The following RPS6KA1 variants were observed in gnomAD, a reference collection of about 807,000 sequenced individuals.
RPS6KA1 encodes ribosomal protein S6 kinase A1, also known as ribosomal protein S6 kinase alpha-1.
RPS6KA1 carries 48 observed loss-of-function variants against 91.3 expected under a neutral mutation model. The ratio of observed to expected loss-of-function variants is 0.53; its 90% CI spans 0.42 to 0.67. The LOEUF is 0.67. Ranked by LOEUF, RPS6KA1 falls within the 30% of genes least tolerant of loss-of-function variation. The pLI is 0.00. For missense variants in RPS6KA1, 719 were observed against 960.5 expected (o/e 0.75, Z 3.32); for synonymous variants, 359 against 384.7 (o/e 0.93, Z 0.78).
chr1:26,571,741 G>C lies in RPS6KA1; in HGVS notation c.1753-108G>C, dbSNP rs2076250860. On this transcript the variant is annotated intron_variant, in intron 18 of 21. Coordinates refer to ENST00000374168, the MANE Select transcript of RPS6KA1 (RefSeq NM_002953.4). The surrounding 1 kb of genome is among the most constrained non-coding windows in gnomAD (Gnocchi z 5.1). ...GGCCCAGCTGGCAAGGGAAGATCTAGCCTGTGCCTGGGACCCTTGTCCTGC... is the reference window on the plus strand; with the variant it reads ...GGCCCAGCTGGCAAGGGAAGATCTACCCTGTGCCTGGGACCCTTGTCCTGC... 1 of 1,481,186 alleles carries C rather than the reference G, an allele frequency of 6.8e-7. No individual in the cohort carries two copies. 91.8% of individuals were successfully genotyped at this position (1,481,186 alleles called of 1,614,324 possible). A position where few individuals can be genotyped will look rare whatever the true frequency, so the allele number is the denominator to read the frequency against.
At chr1:26,536,832 G>A (rs1310841849) in intron 1 of RPS6KA1, 93 bp from the exon 2 acceptor site, 4 of 1,428,206 alleles carry the variant, frequency 2.8e-6, no homozygotes, top group South Asian at 2.3e-5. Flanking sequence ...CATGGCTATT[G>A]GGAGCACCTA....
Position 26,571,429 on chromosome 1 carries a change from C to A in RPS6KA1, c.1591-20C>A. ...GCCACCTCCCCACACTGAGAACTGA[C>A]CCCAGCCCCCTGCCCCTAGGTTGTG... is the stretch of plus-strand genomic sequence containing the variant. On this transcript the variant is annotated intron_variant, in intron 17 of 21. Coordinates refer to ENST00000374168, the MANE Select transcript of RPS6KA1 (RefSeq NM_002953.4). The surrounding 1 kb of genome is among the most constrained non-coding windows in gnomAD (Gnocchi z 5.1). The A allele has an allele frequency of 6.2e-7, 1 of 1,613,554 alleles. No homozygotes were observed. Among genetic ancestry groups the A allele is most frequent in the Non-Finnish European group, 8.5e-7 (1 of 1,179,624 alleles).
In RPS6KA1 at chr1:26,561,583, C is replaced by G. The variant is rs769977293; in HGVS notation, c.1510C>G (p.Gln504Glu). The G allele has an allele frequency of 6.2e-7, 1 of 1,614,106 alleles. No individual in the cohort carries two copies. The highest frequency in any genetic ancestry group is 1.1e-5 in the South Asian group (1 of 91,082). The part of the protein sequence containing the change: ...GGELLDKILR[Q>E]KFFSEREASF... The stretch of plus-strand genomic sequence containing the variant: ...GGAGCTGCTGGACAAGATCCTGCGG[C>G]AGAAGTTCTTCTCAGAGCGGGAGGC... Residue 504 changes from glutamine (Q) to glutamate (E), a missense_variant, in exon 17 of 22, where the codon CAG (glutamine) becomes GAG (glutamate). Gln to Glu is a conservative substitution (Grantham distance 29). Transcript: ENST00000374168. This position sits in a 1 kb window ranked among gnomAD's most constrained non-coding sequence, Gnocchi z 5.7.
chr1:26,563,173 G>T (rs572580528), intron 17 of RPS6KA1, among the ~76,000 whole-genome samples: 2 of 151,462 alleles, frequency 1.3e-5, no homozygotes. Context: ...TTTTTGACTG[G>T]TTTATTGAAA....
intron 2 of RPS6KA1, among the ~76,000 whole-genome samples, chr1:26,545,525 C>T (rs1220280135): frequency 5.3e-5 from 8 of 152,130 alleles, no homozygotes; most frequent in Admixed American, 1.3e-4. Flanking sequence ...TGTCTCTCTT[C>T]GTCTGCCTCC....
At position 26,547,310 on chromosome 1, in the gene RPS6KA1, C is replaced by G. The variant is rs1460592427; in HGVS notation, c.307+40C>G. 1 of 1,571,070 alleles carries G rather than the reference C, an allele frequency of 6.4e-7. No homozygotes were observed. Among genetic ancestry groups the G allele is most frequent in the Admixed American group, 1.7e-5 (1 of 58,074 alleles). On this transcript the variant is annotated intron_variant, in intron 4 of 21. Coordinates refer to ENST00000374168, the MANE Select transcript of RPS6KA1 (RefSeq NM_002953.4). This position sits in a 1 kb window ranked among gnomAD's most constrained non-coding sequence, Gnocchi z 4.1. ...CTCCCTGTGCAGAACCCAGGCTTGG[C>G]TGAGGGAGGCAGCCCAGACTTCAAG...
intron 6 of RPS6KA1, among the ~76,000 whole-genome samples, chr1:26,553,093 A>G (rs1163953143): frequency 6.6e-6 from 1 of 152,178 alleles, no homozygotes; most frequent in African/African-American, 2.4e-5. Flanking sequence ...TCCTTGTTCC[A>G]GTTCATGGCT....
intron 17 of RPS6KA1, among the ~76,000 whole-genome samples, chr1:26,565,475 C>T (rs1159605320): frequency 6.6e-6 from 1 of 152,152 alleles, no homozygotes; most frequent in Admixed American, 6.5e-5. Flanking sequence ...CTGGAGCCCC[C>T]GCAACCTGAG....
rs1279250061 is a variant in RPS6KA1 at position 26,551,446 on chromosome 1, A to G, written c.357A>G (p.Val119=). The change falls in exon 5 of 22, where the codon GTA becomes GTG. Residue 119 remains valine, a synonymous_variant. Coordinates refer to ENST00000374168, the MANE Select transcript of RPS6KA1 (RefSeq NM_002953.4). The surrounding 1 kb of genome is among the most constrained non-coding windows in gnomAD (Gnocchi z 4.5). ...TKMERDILAD[V]NHPFVVKLHY... ...TGGAGAGAGACATCCTGGCTGATGTAAATCACCCATTCGTGGTGAAGCTGC... is the reference window on the plus strand; with the variant it reads ...TGGAGAGAGACATCCTGGCTGATGTGAATCACCCATTCGTGGTGAAGCTGC... 6.2e-7 allele frequency: 1 copy of G among 1,614,168 alleles called. No individual in the cohort carries two copies. The highest frequency in any genetic ancestry group is 2.2e-5 in the East Asian group (1 of 44,880).
At chr1:26,573,406 A>G in intron 21 of RPS6KA1, 45 bp downstream of exon 21, 1 of 1,611,692 alleles carries the variant, frequency 6.2e-7, no homozygotes, top group Non-Finnish European at 8.5e-7. Flanking sequence ...GGTCAGCCCA[A>G]GGTGGCATGG....
chr1:26,552,185 C>G (rs890183690), intron 6 of RPS6KA1, among the ~76,000 whole-genome samples: 69 of 152,156 alleles, frequency 4.5e-4, no homozygotes, highest in Non-Finnish European at 7.4e-5. Context: ...GTCAGGAGAT[C>G]AAGACCATCC....
Position 26,554,489 on chromosome 1 carries a change from T to C in RPS6KA1, c.614-107T>C, listed in dbSNP as rs1398126445. On this transcript the variant is annotated intron_variant, in intron 8 of 21. Coordinates refer to ENST00000374168, the MANE Select transcript of RPS6KA1 (RefSeq NM_002953.4). The surrounding 1 kb of genome is among the most constrained non-coding windows in gnomAD (Gnocchi z 4.6). ...GGCCTTAGCTTCCTCCTGAGTGTCA[T>C]GGGGGTGATGCCTTCTGGCCTCTGG... is the stretch of plus-strand genomic sequence containing the variant. 5 of 1,418,946 alleles carry C rather than the reference T, an allele frequency of 3.5e-6. No homozygotes were observed. Among genetic ancestry groups the C allele is most frequent in the Middle Eastern group, 1.8e-4 (1 of 5,410 alleles). The allele number at this position is 1,418,946 out of a possible 1,614,324, so 87.9% of individuals were successfully genotyped here.
Position 26,561,092 on chromosome 1 carries a change from T to C in RPS6KA1, c.1389T>C (p.Leu463=). The C allele has an allele frequency of 6.2e-7, 1 of 1,614,078 alleles. No homozygotes were observed. The highest frequency in any genetic ancestry group is 1.1e-5 in the South Asian group (1 of 91,062). Residue 463 remains leucine (L), a synonymous_variant, in exon 16 of 22, where the codon CTT becomes CTC. Transcript: ENST00000374168. The surrounding 1 kb of genome is among the most constrained non-coding windows in gnomAD (Gnocchi z 5.7). ...KRDPSEEIEI[L]LRYGQHPNII... ...ATCCTTCAGAAGAGATTGAGATTCT[T>C]CTGCGGTATGGCCAGCACCCCAACA...
intron 1 of RPS6KA1, among the ~76,000 whole-genome samples, chr1:26,531,675 C>T (rs904213545): frequency 3.9e-5 from 6 of 152,246 alleles, no homozygotes; most frequent in South Asian, 2.1e-4. Context: ...GGCAGGGGGA[C>T]GCAATTTCCT....
intron 1 of RPS6KA1, among the ~76,000 whole-genome samples, chr1:26,535,274 G>C (rs1053438651): frequency 6.6e-5 from 10 of 151,964 alleles, no homozygotes; most frequent in Non-Finnish European, 1.2e-4. Context: ...AGGGGCTCAG[G>C]GGGCAGGATG....
chr1:26,566,642 A>T lies in RPS6KA1; in HGVS notation c.1591-4807A>T, dbSNP rs918399348. ...GTTTAATGAAGTTGAGGACCTCTTC[A>T]TATGTTTATTGCCATTTGGACAGCC... On this transcript the variant is annotated intron_variant, in intron 17 of 21. Transcript: ENST00000374168. Among the ~76,000 whole-genome samples, 6 of 152,228 alleles carry T rather than the reference A, an allele frequency of 3.9e-5. No individual in the cohort carries two copies. The South Asian group carries it at 1.2e-3, about 32-fold the overall frequency.
At chr1:26,549,654 A>G (rs1306877213) in intron 4 of RPS6KA1, among the ~76,000 whole-genome samples, 3 of 151,548 alleles carry the variant, frequency 2.0e-5, no homozygotes, top group South Asian at 2.1e-4. Context: ...CACACTGCCC[A>G]AAATGAACCT....
chr1:26,541,010 G>A (rs920828657), intron 2 of RPS6KA1, among the ~76,000 whole-genome samples: 2 of 151,912 alleles, frequency 1.3e-5, no homozygotes, highest in Admixed American at 6.6e-5. Flanking sequence ...GGCTGGTCTC[G>A]AACTCCCGAC....
At chr1:26,542,476 C>A in intron 2 of RPS6KA1, among the ~76,000 whole-genome samples, 1 of 152,138 alleles carries the variant, frequency 6.6e-6, no homozygotes, top group East Asian at 1.9e-4. Context: ...CATGTCAGTG[C>A]CTGTGCTGTG....
Sources: gnomAD v4.1 joint callset for allele counts (sites outside exome capture counted in the v4.1 genomes callset) on GRCh38, gnomAD v4.1.1 for gene constraint, Gnocchi (gnomAD v3.1) non-coding constraint, MANE v1.5 for transcripts, NCBI Gene and HGNC (gene_info 2026-07-23, HGNC 2026-07-21) for gene names.